FAAH2: variants seen among roughly 807,000 people sequenced by gnomAD.
The protein encoded by FAAH2 is fatty acid amide hydrolase 2.
In FAAH2, 60 loss-of-function variants were observed where a neutral mutation model predicts 36.9. The ratio of observed to expected loss-of-function variants is 1.63; its 90% CI spans 1.32 to 2.02. The LOEUF (loss-of-function observed/expected upper bound fraction) is 2.02. Ranked by LOEUF, FAAH2 falls within the 30% of genes most tolerant of loss-of-function variation. The pLI is 0.00. For synonymous variants in FAAH2, 214 were observed against 143.8 expected, an observed-to-expected ratio of 1.49 and a Z score of -3.49; for missense variants, 689 against 397.5, an observed-to-expected ratio of 1.73 and a Z score of -6.23.
intron 7 of FAAH2, among the ~76,000 whole-genome samples, chrX:57,420,781 G>C (rs895727444): frequency 1.8e-5 from 2 of 109,019 alleles, no homozygotes; most frequent in Non-Finnish European, 3.8e-5. Context: ...GTGAGAGAGA[G>C]CATCCCTGTC....
At position 57,328,519 on chromosome X, in the gene FAAH2, G is replaced by T. The variant is rs775910891; in HGVS notation, c.413-3079G>T. ...TTTTAATATTTTCCAGGATCTCAATGATCTTTCTTTCTATCTATATTCTGA... is the reference window on the plus strand; with the variant it reads ...TTTTAATATTTTCCAGGATCTCAATTATCTTTCTTTCTATCTATATTCTGA... On this transcript the variant is annotated intron_variant, in intron 3 of 10. Coordinates refer to ENST00000374900, the MANE Select transcript of FAAH2 (RefSeq NM_174912.4). Among the ~76,000 whole-genome samples the T allele has an allele frequency of 3.6e-5, 4 of 111,165 alleles. No homozygotes were observed. In the South Asian group the frequency reaches 1.1e-3, roughly 31 times the overall value.
At chrX:57,418,503 G>T (rs945816390) in intron 7 of FAAH2, among the ~76,000 whole-genome samples, 28 of 110,714 alleles carry the variant, frequency 2.5e-4, no homozygotes, top group Non-Finnish European at 4.5e-4. Context: ...GACCCCTTGT[G>T]CATCCCAGGT....
chrX:57,302,095 T>G (rs749024954), intron 2 of FAAH2, among the ~76,000 whole-genome samples: 1 of 111,775 alleles, frequency 8.9e-6, no homozygotes, highest in African/African-American at 3.3e-5. Context: ...ATAGGTATAT[T>G]CTTCCCAATC....
chrX:57,178,788 C>A, the FAAH2 span, among the ~76,000 whole-genome samples: 1 of 111,917 alleles, frequency 8.9e-6, no homozygotes, highest in African/African-American at 3.3e-5. Flanking sequence ...ACAGGTCTCA[C>A]ACAACAGTGT....
the FAAH2 span, among the ~76,000 whole-genome samples, chrX:57,209,262 G>A: frequency 1.7e-3 from 187 of 111,758 alleles, no homozygotes; most frequent in African/African-American, 5.9e-3. Context: ...TGGCTCCATG[G>A]CCACCACAGC....
intron 7 of FAAH2, chrX:57,392,762 G>C: frequency 1.6e-6 from 1 of 614,047 alleles, no homozygotes; most frequent in Non-Finnish European, 2.8e-6. Flanking sequence ...AACCAGCCCC[G>C]ATGCTGGCAT....
chrX:57,391,215 A>G (rs1381571420), intron 7 of FAAH2, among the ~76,000 whole-genome samples: 1 of 110,936 alleles, frequency 9.0e-6, no homozygotes, highest in African/African-American at 3.3e-5. Flanking sequence ...GACTGTGGAT[A>G]TTAGACCATT....
chrX:57,456,536 C>A (rs928647061), intron 10 of FAAH2, among the ~76,000 whole-genome samples: 1 of 111,663 alleles, frequency 9.0e-6, no homozygotes, highest in Non-Finnish European at 1.9e-5. Flanking sequence ...GATTGATATA[C>A]CATTAGCTAA....
intron 10 of FAAH2, among the ~76,000 whole-genome samples, chrX:57,482,268 C>T (rs760323637): frequency 1.2e-4 from 13 of 111,277 alleles, no homozygotes; most frequent in Non-Finnish European, 1.7e-4. Context: ...ACTCAGGTTC[C>T]AGGTGTCACT....
chrX:57,326,356 C>T (rs1399184311), intron 3 of FAAH2, among the ~76,000 whole-genome samples: 674 of 113,320 alleles, frequency 5.9e-3, no homozygotes, highest in Admixed American at 0.041. Context: ...CTATTAGGTC[C>T]GCTTGGTGCA....
intron 3 of FAAH2, among the ~76,000 whole-genome samples, chrX:57,327,388 C>T (rs750498978): frequency 9.1e-6 from 1 of 110,475 alleles, no homozygotes; most frequent in Admixed American, 9.7e-5. Context: ...TGATGGCCTG[C>T]CTTGCTAGAT....
At chrX:57,371,645 G>T (rs906956746) in intron 5 of FAAH2, among the ~76,000 whole-genome samples, 4 of 101,091 alleles carry the variant, frequency 4.0e-5, no homozygotes, top group Admixed American at 1.1e-4. Flanking sequence ...TTTGGGGGGG[G>T]GGTTACTTTC....
rs184952468 is a variant in FAAH2 at position 57,434,770 on chromosome X, C to T, written c.1116+2733C>T. ...AAGTGTAGCAAGAGATTTAGACATC[C>T]AGATACAGTAGTCCCAGCAATCCAA... On this transcript the variant is annotated intron_variant, in intron 8 of 10. Transcript: ENST00000374900. Among the ~76,000 whole-genome samples the T allele has an allele frequency of 1.3e-3, 139 of 111,134 alleles. 1 individual carries two copies. The highest frequency in any genetic ancestry group is 4.4e-3 in the African/African-American group (135 of 30,687).
chrX:57,299,042 C>T lies in FAAH2; in HGVS notation c.275+6462C>T, dbSNP rs1480185948. 2.7e-5 allele frequency among the ~76,000 whole-genome samples: 3 copies of T among 111,604 alleles called. No homozygotes were observed. In the South Asian group the frequency reaches 1.1e-3, roughly 42 times the overall value. The stretch of plus-strand genomic sequence containing the variant: ...CCAGAGGTACAAGGAGGAGCTGGTA[C>T]CATTCCTTCTGAAACTATTCCAATC... On this transcript the variant is annotated intron_variant, in intron 2 of 10. Transcript: ENST00000374900.
At chrX:57,440,315 A>T (rs1003465627) in intron 8 of FAAH2, among the ~76,000 whole-genome samples, 73 of 111,489 alleles carry the variant, frequency 6.5e-4, no homozygotes, top group African/African-American at 2.4e-3. Context: ...GAGGTCCTTC[A>T]CATCCCCTGT....
chrX:57,397,577 C>T (rs1410642460), intron 7 of FAAH2, among the ~76,000 whole-genome samples: 1 of 110,361 alleles, frequency 9.1e-6, no homozygotes, highest in African/African-American at 3.3e-5. Context: ...TTTTTCTTCA[C>T]AGAGGCTAAA....
chrX:57,486,393 G>C (rs1337575941), intron 10 of FAAH2, among the ~76,000 whole-genome samples: 1 of 111,421 alleles, frequency 9.0e-6, no homozygotes, highest in African/African-American at 3.3e-5. Context: ...CCTGGAAAAG[G>C]CTCAAGGAGA....
chrX:57,488,912 G>C lies in FAAH2; in HGVS notation c.1579G>C (p.Val527Leu). The C allele has an allele frequency of 1.7e-6, 2 of 1,210,349 alleles. No homozygotes were observed. The highest frequency in any genetic ancestry group is 1.1e-6 in the Non-Finnish European group (1 of 895,123). Residue 527 changes from valine (V) to leucine (L), a missense_variant, in exon 11 of 11, where the codon GTC becomes CTC. Coordinates refer to ENST00000374900, the MANE Select transcript of FAAH2 (RefSeq NM_174912.4). The part of the protein sequence containing the change: ...QYLEKTFGGW[V>L]CPGKF Reference sequence around the variant, plus strand: ...CTTGGAGAAAACTTTTGGGGGCTGGGTCTGTCCAGGAAAGTTTTAGGAGGA... The same window carrying C: ...CTTGGAGAAAACTTTTGGGGGCTGGCTCTGTCCAGGAAAGTTTTAGGAGGA...
intron 7 of FAAH2, among the ~76,000 whole-genome samples, chrX:57,417,666 AC>A (rs1368933139): frequency 1.8e-5 from 2 of 110,799 alleles, no homozygotes; most frequent in Admixed American, 9.6e-5. Context: ...GTGTCTGTCG[AC>A]CCCTGCTTGG....
Sources: gnomAD v4.1 joint callset for allele counts (sites outside exome capture counted in the v4.1 genomes callset) on GRCh38, gnomAD v4.1.1 for gene constraint, MANE v1.5 for transcripts, NCBI Gene and HGNC (gene_info 2026-07-23, HGNC 2026-07-21) for gene names.